Variants in TRIM27 observed in about 807,000 individuals in gnomAD.
TRIM27 encodes tripartite motif containing 27, also known as zinc finger protein RFP.
TRIM27 carries 12 observed loss-of-function variants against 57.6 expected under a neutral mutation model. The ratio of observed to expected loss-of-function variants is 0.21; its 90% CI spans 0.13 to 0.34. The LOEUF (loss-of-function observed/expected upper bound fraction) is 0.34. Ranked by LOEUF, TRIM27 falls within the 10% of genes least tolerant of loss-of-function variation. The pLI is 1.00. For missense variants in TRIM27, 403 were observed against 656.8 expected (o/e 0.61, Z 4.22); for synonymous variants, 266 against 259.0 (o/e 1.03, Z -0.26).
intron 6 of TRIM27, 167 bp downstream of exon 6, chr6:28,908,641 A>C: frequency 1.7e-6 from 1 of 604,510 alleles, no homozygotes; most frequent in Non-Finnish European, 2.9e-6. Context: ...AATTAGAACA[A>C]GAAGCTGTTA....
intron 3 of TRIM27, among the ~76,000 whole-genome samples, chr6:28,917,601 A>C (rs1246251913): frequency 6.6e-6 from 1 of 151,672 alleles, no homozygotes; most frequent in East Asian, 1.9e-4. Context: ...AAAGAAAGTT[A>C]CACAACAGGG....
intron 3 of TRIM27, among the ~76,000 whole-genome samples, chr6:28,914,429 C>A (rs1381293763): frequency 6.6e-6 from 1 of 151,662 alleles, no homozygotes; most frequent in Non-Finnish European, 1.5e-5. Context: ...GTCACTGCAC[C>A]CGGCCTATCC....
At position 28,904,047 on chromosome 6, in the gene TRIM27, C is replaced by G. The variant is rs746224570; in HGVS notation, c.*23G>C. ...CTGGCGTAGGATTACAGCCAACAGC[C>G]CTTTTGGCCTGAATTCACCTCCTCA... On this transcript the variant is annotated 3_prime_UTR_variant, in exon 8 of 8. Coordinates refer to ENST00000377199, the MANE Select transcript of TRIM27 (RefSeq NM_006510.5). This position sits in a 1 kb window ranked among gnomAD's most constrained non-coding sequence, Gnocchi z 6.1. The G allele has an allele frequency of 8.2e-6, 13 of 1,593,384 alleles. No individual in the cohort carries two copies. The highest frequency in any genetic ancestry group is 1.1e-5 in the South Asian group (1 of 89,868).
intron 4 of TRIM27, 100 bp from the exon 5 acceptor site, chr6:28,909,188 AC>A (rs201010796): frequency 0.095 from 74,065 of 778,040 alleles, 3,959 homozygotes; most frequent in African/African-American, 0.14. Context: ...GCCCACCGCA[AC>A]CTCTGCCTCC....
chr6:28,913,805 T>G (rs539536554), intron 3 of TRIM27, among the ~76,000 whole-genome samples: 2 of 152,146 alleles, frequency 1.3e-5, no homozygotes, highest in African/African-American at 4.8e-5. Context: ...CTCGCAATAC[T>G]TAAAAGGTCT....
intron 3 of TRIM27, among the ~76,000 whole-genome samples, chr6:28,918,372 C>T (rs1773771797): frequency 6.6e-6 from 1 of 152,038 alleles, no homozygotes; most frequent in African/African-American, 2.4e-5. Context: ...TCAACTCCCC[C>T]TAATGTGGCT....
Position 28,904,323 on chromosome 6 carries a change from C to G in TRIM27, c.1289G>C (p.Arg430Pro). 6.2e-7 allele frequency: 1 copy of G among 1,613,034 alleles called. No individual in the cohort carries two copies. Among genetic ancestry groups the G allele is most frequent in the Non-Finnish European group, 8.5e-7 (1 of 1,180,010 alleles). Residue 430 changes from arginine to proline, a missense_variant, in exon 8 of 8, where the codon CGG becomes CCG. Physicochemically the swap from Arg to Pro is moderately radical, Grantham distance 103. Transcript: ENST00000377199. This position sits in a 1 kb window ranked among gnomAD's most constrained non-coding sequence, Gnocchi z 6.1. ...LTSPMTALPL[R>P]TPLQRVGIFL... The stretch of plus-strand genomic sequence containing the variant: ...AATCCCCACCCGCTGGAGCGGGGTC[C>G]GCAGGGGTAGGGCAGTCATTGGGGA...
At chr6:28,917,758 T>G (rs1391900176) in intron 3 of TRIM27, among the ~76,000 whole-genome samples, 3 of 152,148 alleles carry the variant, frequency 2.0e-5, no homozygotes, top group East Asian at 1.9e-4. Flanking sequence ...CATATGTACT[T>G]TAGTTCTCAT....
chr6:28,914,678 A>G (rs1773476522), intron 3 of TRIM27: 1 of 151,182 alleles, frequency 6.6e-6, no homozygotes, highest in South Asian at 2.1e-4. Context: ...ACTTCACTAC[A>G]TAATATATCC....
chr6:28,914,584 G>C (rs555488045), intron 3 of TRIM27, among the ~76,000 whole-genome samples: 8 of 107,374 alleles, frequency 7.5e-5, no homozygotes, highest in African/African-American at 2.5e-4. Flanking sequence ...GCAAGGGTGG[G>C]GGGGGGGGGA....
intron 3 of TRIM27, among the ~76,000 whole-genome samples, chr6:28,913,149 G>A (rs1260177037): frequency 6.6e-6 from 1 of 151,736 alleles, no homozygotes; most frequent in Non-Finnish European, 1.5e-5. Context: ...CAGCTACTCG[G>A]GAGGCTGAGG....
At chr6:28,916,444 C>T (rs181486261) in intron 3 of TRIM27, among the ~76,000 whole-genome samples, 159 of 151,708 alleles carry the variant, frequency 1.0e-3, no homozygotes, top group Non-Finnish European at 1.6e-3. Context: ...ACCAACTACT[C>T]GGAAGGCTGA....
intron 1 of TRIM27, among the ~76,000 whole-genome samples, chr6:28,922,630 T>C (rs183233033): frequency 1.5e-3 from 235 of 152,342 alleles, no homozygotes; most frequent in Middle Eastern, 3.4e-3. Flanking sequence ...CACGTTTCTG[T>C]TTAGCTGTGC....
intron 3 of TRIM27, among the ~76,000 whole-genome samples, chr6:28,917,439 G>A (rs1019703195): frequency 2.0e-5 from 3 of 150,440 alleles, no homozygotes; most frequent in African/African-American, 7.3e-5. Context: ...TTAGCTGGGC[G>A]TGGTGGCACA....
At position 28,923,687 on chromosome 6, in the gene TRIM27, G is replaced by C. The variant is rs572597220; in HGVS notation, c.-55C>G. ...GGGCCCCGGCGCCGAGCTCTGCACT[G>C]AGCCCAACTCTCCGGCGCTCTCTCC... On this transcript the variant is annotated 5_prime_UTR_variant, in exon 1 of 8. Coordinates refer to ENST00000377199, the MANE Select transcript of TRIM27 (RefSeq NM_006510.5). 9.0e-6 allele frequency: 13 copies of C among 1,449,834 alleles called. No individual in the cohort carries two copies. In the African/African-American group the frequency reaches 1.7e-4, roughly 19 times the overall value. The allele number at this position is 1,449,834 out of a possible 1,614,324, so 89.8% of individuals were successfully genotyped here. A position where few individuals can be genotyped will look rare whatever the true frequency, so the allele number is the denominator to read the frequency against.
chr6:28,917,087 A>G (rs1289400675), intron 3 of TRIM27, among the ~76,000 whole-genome samples: 1 of 147,534 alleles, frequency 6.8e-6, no homozygotes, highest in Admixed American at 6.8e-5. Context: ...GGCTGCGGTG[A>G]GCCATGATCA....
intron 6 of TRIM27, 80 bp downstream of exon 6, chr6:28,908,728 C>T: frequency 1.4e-6 from 2 of 1,409,788 alleles, no homozygotes; most frequent in Non-Finnish European, 2.0e-6. Context: ...CACCCTTATC[C>T]CACGTTTCCC....
At chr6:28,915,822 TAAAC>T (rs1254888836) in intron 3 of TRIM27, 1 of 152,184 alleles carries the variant, frequency 6.6e-6, no homozygotes, top group African/African-American at 2.4e-5. Context: ...GACTGATGAA[TAAAC>T]AAAACATATT....
intron 3 of TRIM27, among the ~76,000 whole-genome samples, chr6:28,918,790 C>G (rs377035514): frequency 1.3e-5 from 2 of 151,986 alleles, no homozygotes; most frequent in South Asian, 4.2e-4. Context: ...GCAGGAGAAT[C>G]GCTTGAACCC....
Sources: allele counts gnomAD v4.1 joint callset (sites outside exome capture counted in the v4.1 genomes callset), GRCh38; gene constraint gnomAD v4.1.1; non-coding constraint Gnocchi (gnomAD v3.1); transcripts MANE v1.5; gene names NCBI Gene and HGNC (gene_info 2026-07-23, HGNC 2026-07-21).